The following GABRG3 variants were observed in gnomAD, a reference collection of about 807,000 sequenced individuals.
GABRG3 encodes gamma-aminobutyric acid type A receptor subunit gamma3, also known as gamma-aminobutyric acid receptor subunit gamma-3.
Under a neutral mutation model 48.8 loss-of-function variants are expected in GABRG3, and 25 were observed. The observed-to-expected ratio is 0.51, with a 90% confidence interval of 0.37 to 0.72. The LOEUF is 0.72. Ranked by LOEUF, GABRG3 falls within the 30% of genes least tolerant of loss-of-function variation. The pLI is 0.00. For missense variants in GABRG3, 394 were observed against 577.9 expected (o/e 0.68, Z 3.26); for synonymous variants, 227 against 217.6 (o/e 1.04, Z -0.38).
intron 3 of GABRG3, among the ~76,000 whole-genome samples, chr15:27,138,035 T>C (rs1351685371): frequency 6.6e-6 from 1 of 152,230 alleles, no homozygotes; most frequent in African/African-American, 2.4e-5. Flanking sequence ...TTTAACTTGT[T>C]ATTCCTACCC....
intron 3 of GABRG3, among the ~76,000 whole-genome samples, chr15:27,045,068 G>A (rs1043367388): frequency 2.0e-5 from 3 of 152,202 alleles, no homozygotes; most frequent in African/African-American, 7.2e-5. Flanking sequence ...GAAGATGCAG[G>A]TAGTCATTAA....
intron 3 of GABRG3, among the ~76,000 whole-genome samples, chr15:27,065,661 A>G (rs1896725640): frequency 6.6e-6 from 1 of 152,252 alleles, no homozygotes; most frequent in Non-Finnish European, 1.5e-5. Context: ...TCGTTTGCAA[A>G]GAACTTACAA....
chr15:27,062,190 T>A (rs528600813), intron 3 of GABRG3, among the ~76,000 whole-genome samples: 64 of 152,194 alleles, frequency 4.2e-4, no homozygotes, highest in Non-Finnish European at 7.2e-4. Flanking sequence ...GGACTCCCCT[T>A]TGGAGCCAGA....
chr15:27,096,902 CCAATCTCGGCT>C (rs1897273935), intron 3 of GABRG3, among the ~76,000 whole-genome samples: 1 of 148,126 alleles, frequency 6.8e-6, no homozygotes, highest in South Asian at 2.2e-4. Context: ...GTGCAGTGGC[CCAATCTCGGCT>C]CACTGCAACC....
At chr15:27,085,141 G>A (rs777448710) in intron 3 of GABRG3, among the ~76,000 whole-genome samples, 18 of 152,356 alleles carry the variant, frequency 1.2e-4, no homozygotes, top group Non-Finnish European at 2.5e-4. Flanking sequence ...CAAGGCTGGT[G>A]TGAACAGTCA....
At chr15:27,061,570 T>C (rs1896646919) in intron 3 of GABRG3, among the ~76,000 whole-genome samples, 1 of 152,026 alleles carries the variant, frequency 6.6e-6, no homozygotes, top group African/African-American at 2.4e-5. Flanking sequence ...TCCATGTATT[T>C]ATGAGTGATG....
At chr15:27,002,130 T>C (rs756623018) in intron 2 of GABRG3, among the ~76,000 whole-genome samples, 4 of 152,240 alleles carry the variant, frequency 2.6e-5, no homozygotes, top group Non-Finnish European at 5.9e-5. Flanking sequence ...ACTTCAAAAA[T>C]AGTCAGCATT....
In GABRG3 at chr15:27,144,797, C is replaced by T. The variant is rs141537619; in HGVS notation, c.270+117976C>T. 3.3e-3 allele frequency among the ~76,000 whole-genome samples: 500 copies of T among 152,286 alleles called. 7 individuals carry two copies. Among genetic ancestry groups the T allele is most frequent in the Non-Finnish European group, 4.1e-3 (279 of 68,018 alleles). ...TTAATAAAGAATTGTAACATATCTA[C>T]GTGAGAATTGAAGGTGTATTCCCAA... On this transcript the variant is annotated intron_variant, in intron 3 of 9. Coordinates refer to ENST00000615808, the MANE Select transcript of GABRG3 (RefSeq NM_033223.5).
chr15:27,011,382 A>G (rs1473277748), intron 2 of GABRG3, among the ~76,000 whole-genome samples: 7 of 151,840 alleles, frequency 4.6e-5, no homozygotes, highest in Non-Finnish European at 8.8e-5. Context: ...TCCTCCTTCC[A>G]TCACCCATAT....
At chr15:27,036,331 G>A (rs1002259362) in intron 3 of GABRG3, among the ~76,000 whole-genome samples, 7 of 152,164 alleles carry the variant, frequency 4.6e-5, no homozygotes, top group South Asian at 2.1e-4. Context: ...AGGGGCCTGC[G>A]TTTTGTTCTG....
At chr15:26,971,643 C>CG in intron 1 of GABRG3, 55 bp downstream of exon 1, 4 of 1,503,298 alleles carry the variant, frequency 2.7e-6, no homozygotes, top group East Asian at 2.7e-5. Flanking sequence ...GACAGGGCGG[C>CG]GGGGGGCGCT....
intron 5 of GABRG3, among the ~76,000 whole-genome samples, chr15:27,335,359 A>G (rs1342407732): frequency 2.0e-5 from 3 of 152,220 alleles, no homozygotes; most frequent in Non-Finnish European, 2.9e-5. Flanking sequence ...TTCACCAGCA[A>G]TGCACAAAGA....
intron 5 of GABRG3, among the ~76,000 whole-genome samples, chr15:27,474,577 A>G (rs1049016495): frequency 1.3e-5 from 2 of 152,164 alleles, no homozygotes; most frequent in South Asian, 2.1e-4. Context: ...TGGCATGTCA[A>G]TCTCTGATCA....
At chr15:27,528,081 C>G in intron 9 of GABRG3, 89 bp downstream of exon 9, 1 of 969,054 alleles carries the variant, frequency 1.0e-6, no homozygotes, top group East Asian at 2.6e-5. Flanking sequence ...TTGATGCATG[C>G]ATGTATTGAA....
chr15:27,367,255 C>T (rs1005160333), intron 5 of GABRG3, among the ~76,000 whole-genome samples: 10 of 152,126 alleles, frequency 6.6e-5, no homozygotes, highest in Non-Finnish European at 1.0e-4. Context: ...CCTAGTTGTC[C>T]TAGATATTTA....
chr15:27,011,086 C>T (rs1324014107), intron 2 of GABRG3, among the ~76,000 whole-genome samples: 3 of 152,034 alleles, frequency 2.0e-5, no homozygotes, highest in Non-Finnish European at 2.9e-5. Context: ...TGGCTGGTCT[C>T]GAACTCCTGA....
intron 3 of GABRG3, among the ~76,000 whole-genome samples, chr15:27,310,580 T>G (rs1440820345): frequency 1.3e-5 from 2 of 152,160 alleles, no homozygotes; most frequent in Non-Finnish European, 2.9e-5. Flanking sequence ...ATGCAACTCC[T>G]TATCAGAATT....
At chr15:27,270,451 G>A (rs915870947) in intron 3 of GABRG3, among the ~76,000 whole-genome samples, 5 of 152,162 alleles carry the variant, frequency 3.3e-5, no homozygotes, top group African/African-American at 4.8e-5. Context: ...GAGAGGAAAA[G>A]TTCTATTGAA....
At chr15:27,005,227 A>T (rs915944899) in intron 2 of GABRG3, among the ~76,000 whole-genome samples, 1 of 151,688 alleles carries the variant, frequency 6.6e-6, no homozygotes, top group African/African-American at 2.4e-5. Context: ...TTTGAGATGG[A>T]GTCTCTCTCT....
Sources: gnomAD v4.1 joint callset for allele counts (sites outside exome capture counted in the v4.1 genomes callset) on GRCh38, gnomAD v4.1.1 for gene constraint, MANE v1.5 for transcripts, NCBI Gene and HGNC (gene_info 2026-07-23, HGNC 2026-07-21) for gene names.